Variants in SIK2 observed in about 807,000 individuals in gnomAD.
SIK2 encodes salt inducible kinase 2.
SIK2 carries 29 observed loss-of-function variants against 103.2 expected under a neutral mutation model. The ratio of observed to expected loss-of-function variants is 0.28; its 90% CI spans 0.21 to 0.38. The LOEUF is 0.38. SIK2 is among the 10% of genes least tolerant of loss of function. The pLI is 1.00. For synonymous variants in SIK2, 412 were observed against 446.1 expected (o/e 0.92, Z 0.96); for missense variants, 879 against 1,171.0 (o/e 0.75, Z 3.64).
chr11:111,688,270 A>G lies in SIK2; in HGVS notation c.478+108A>G, dbSNP rs1942873467. ...TTCAGCAGCATTTCTACCTGATGAC[A>G]TCAGGCTATCTCAAAGTCCATTTTA... On this transcript the variant is annotated intron_variant, in intron 4 of 14. Coordinates refer to ENST00000304987, the MANE Select transcript of SIK2 (RefSeq NM_015191.3). This position sits in a 1 kb window ranked among gnomAD's most constrained non-coding sequence, Gnocchi z 4.2. The G allele has an allele frequency of 1.8e-6, 2 of 1,082,882 alleles. No individual in the cohort carries two copies. Among genetic ancestry groups the G allele is most frequent in the East Asian group, 4.8e-5 (2 of 41,830 alleles). 67.1% of individuals were successfully genotyped at this position (1,082,882 alleles called of 1,614,324 possible).
chr11:111,607,022 C>T (rs1941658290), intron 1 of SIK2, among the ~76,000 whole-genome samples: 1 of 151,362 alleles, frequency 6.6e-6, no homozygotes, highest in Non-Finnish European at 1.5e-5. Flanking sequence ...CAAAGATAAC[C>T]ATAACTAGTT....
intron 9 of SIK2, among the ~76,000 whole-genome samples, chr11:111,718,440 AAAGG>A (rs1591645310): frequency 6.6e-6 from 1 of 152,184 alleles, no homozygotes; most frequent in East Asian, 1.9e-4. Context: ...GCCAGTGTGG[AAAGG>A]AAGCATTTAC....
chr11:111,638,664 C>G (rs566841366), intron 3 of SIK2, among the ~76,000 whole-genome samples: 1 of 152,096 alleles, frequency 6.6e-6, no homozygotes, highest in South Asian at 2.1e-4. Context: ...TCTCTTATCT[C>G]TGGGAAGATA....
At chr11:111,698,057 G>T (rs910630998) in intron 4 of SIK2, among the ~76,000 whole-genome samples, 1 of 152,130 alleles carries the variant, frequency 6.6e-6, no homozygotes, top group Non-Finnish European at 1.5e-5. Context: ...CAAGGTTATA[G>T]AAGACCTCAG....
At chr11:111,615,624 A>T (rs969373516) in intron 1 of SIK2, among the ~76,000 whole-genome samples, 1 of 152,218 alleles carries the variant, frequency 6.6e-6, no homozygotes, top group African/African-American at 2.4e-5. Flanking sequence ...CTCTAGTTAT[A>T]ACAGAATGAA....
Position 111,688,088 on chromosome 11 carries a change from G to T in SIK2, c.404G>T (p.Gly135Val), listed in dbSNP as rs147083799. 6 of 1,613,998 alleles carry T rather than the reference G, an allele frequency of 3.7e-6. No homozygotes were observed. In the African/African-American group the frequency reaches 6.7e-5, roughly 18 times the overall value. The change falls in exon 4 of 15, where the codon GGT (glycine) becomes GTT (valine). Residue 135 changes from glycine (G) to valine (V), a missense_variant. This residue lies in a region of SIK2 where 126 missense variants were observed against 245.5 expected (regional missense o/e 0.51). Transcript: ENST00000304987. This position sits in a 1 kb window ranked among gnomAD's most constrained non-coding sequence, Gnocchi z 4.2. ...QILSAVDYCH[G>V]RKIVHRDLKA... ...CTGTCTGCTGTTGATTATTGTCATG[G>T]TCGGAAGATTGTGCACCGTGACCTC...
chr11:111,719,753 T>C (rs1437525112), intron 9 of SIK2, 22 bp from the exon 10 acceptor site: 2 of 1,603,128 alleles, frequency 1.2e-6, no homozygotes, highest in Admixed American at 1.7e-5. Context: ...AAACTGAGTT[T>C]CCTCTCTCCC....
At chr11:111,672,503 T>C (rs1248062645) in intron 3 of SIK2, 1 of 201,240 alleles carries the variant, frequency 5.0e-6, no homozygotes, top group Non-Finnish European at 1.0e-5. Flanking sequence ...GTCATAATAA[T>C]TGGATAGTTC....
In SIK2 at chr11:111,712,291, C is replaced by T; in HGVS notation, c.1182C>T (p.Ser394=). ...GATCTGCCCTCCTCCCCCAGGCATCCAACGTGGAGGCCTTTTCATTTCCAG... is the reference window on the plus strand; with the variant it reads ...GATCTGCCCTCCTCCCCCAGGCATCTAACGTGGAGGCCTTTTCATTTCCAG... ...LLRSALLPQA[S]NVEAFSFPAS... The change falls in exon 9 of 15, where the codon TCC becomes TCT. Residue 394 remains serine, a synonymous_variant. Transcript: ENST00000304987. The T allele has an allele frequency of 1.2e-6, 2 of 1,614,212 alleles. No homozygotes were observed. Among genetic ancestry groups the T allele is most frequent in the Non-Finnish European group, 1.7e-6 (2 of 1,180,036 alleles).
At position 111,726,879 on chromosome 11, in the gene SIK2, T is replaced by C; in HGVS notation, c.*2750T>C. 1 of 1,244,834 alleles carries C rather than the reference T, an allele frequency of 8.0e-7. No homozygotes were observed. The highest frequency in any genetic ancestry group is 1.2e-6 in the Non-Finnish European group (1 of 863,950). 77.1% of individuals were successfully genotyped at this position (1,244,834 alleles called of 1,614,324 possible). On this transcript the variant is annotated 3_prime_UTR_variant, in exon 15 of 15. Transcript: ENST00000304987. Reference sequence around the variant, plus strand: ...CTCCTCTGAAGAGACTTTGGTGAGATGAACGTGAGGTAAAAATTTCGTTCG... The same window carrying C: ...CTCCTCTGAAGAGACTTTGGTGAGACGAACGTGAGGTAAAAATTTCGTTCG...
At chr11:111,699,839 T>A (rs1252902594) in intron 4 of SIK2, among the ~76,000 whole-genome samples, 1 of 152,150 alleles carries the variant, frequency 6.6e-6, no homozygotes, top group Non-Finnish European at 1.5e-5. Flanking sequence ...CAAAGACTGA[T>A]CCAAAGTCAC....
At chr11:111,629,761 C>T (rs946151072) in intron 3 of SIK2, among the ~76,000 whole-genome samples, 9 of 151,970 alleles carry the variant, frequency 5.9e-5, no homozygotes, top group Non-Finnish European at 1.2e-4. Context: ...TTAAAAACCA[C>T]AGGGAGATAT....
At chr11:111,623,518 T>C (rs1591592034) in intron 3 of SIK2, among the ~76,000 whole-genome samples, 1 of 152,250 alleles carries the variant, frequency 6.6e-6, no homozygotes, top group East Asian at 1.9e-4. Context: ...TGGGATGCAG[T>C]TAAGCCTACT....
chr11:111,681,334 A>G (rs930883513), intron 3 of SIK2, among the ~76,000 whole-genome samples: 15 of 152,332 alleles, frequency 9.8e-5, no homozygotes, highest in African/African-American at 3.4e-4. Context: ...CTGTTAAGGT[A>G]TCTCTTGACT....
Position 111,728,863 on chromosome 11 carries a change from G to A in SIK2, c.*4734G>A, listed in dbSNP as rs992768676. The A allele has an allele frequency of 4.0e-5, 6 of 150,802 alleles. No homozygotes were observed. In the East Asian group the frequency reaches 1.2e-3, roughly 30 times the overall value. The allele number at this position is 150,802 out of a possible 1,614,324, so 9.3% of individuals were successfully genotyped here. On this transcript the variant is annotated 3_prime_UTR_variant, in exon 15 of 15. Transcript: ENST00000304987. ...GGCGTGAACCCGGGAGGTGGAGCTT[G>A]CAGTGAGCCAAGATCGTGCCACTGC... is the stretch of plus-strand genomic sequence containing the variant.
chr11:111,724,246 G>A lies in SIK2; in HGVS notation c.*117G>A, dbSNP rs968566103. The A allele has an allele frequency of 4.3e-5, 60 of 1,381,574 alleles. No individual in the cohort carries two copies. Among genetic ancestry groups the A allele is most frequent in the Non-Finnish European group, 5.8e-5 (60 of 1,041,704 alleles). 85.6% of individuals were successfully genotyped at this position (1,381,574 alleles called of 1,614,324 possible). A position where few individuals can be genotyped will look rare whatever the true frequency, so the allele number is the denominator to read the frequency against. ...GCCCTCTCCCTAACGGGGAGAAATC[G>A]AGCCACCCAACTGGAATCAGAGGGT... On this transcript the variant is annotated 3_prime_UTR_variant, in exon 15 of 15. Transcript: ENST00000304987.
intron 1 of SIK2, among the ~76,000 whole-genome samples, chr11:111,614,121 G>A (rs537034735): frequency 4.2e-5 from 6 of 141,486 alleles, no homozygotes; most frequent in African/African-American, 1.0e-4. Flanking sequence ...TCGCTCTGTC[G>A]CCCAGACTGG....
At chr11:111,670,303 T>C (rs777070131) in intron 3 of SIK2, among the ~76,000 whole-genome samples, 14 of 152,228 alleles carry the variant, frequency 9.2e-5, no homozygotes, top group Non-Finnish European at 1.8e-4. Context: ...ACTATAGTAG[T>C]TTAAAATACT....
chr11:111,608,275 A>G (rs1941675048), intron 1 of SIK2, among the ~76,000 whole-genome samples: 1 of 152,240 alleles, frequency 6.6e-6, no homozygotes, highest in African/African-American at 2.4e-5. Flanking sequence ...AAAAATTTTT[A>G]AATACTTTAA....
Sources: gnomAD v4.1 joint callset for allele counts (sites outside exome capture counted in the v4.1 genomes callset) on GRCh38, gnomAD v4.1.1 for gene constraint, gnomAD v4.1.1 regional missense constraint, Gnocchi (gnomAD v3.1) non-coding constraint, MANE v1.5 for transcripts, NCBI Gene and HGNC (gene_info 2026-07-23, HGNC 2026-07-21) for gene names.